The following MAGI1 variants were observed in gnomAD, a reference collection of about 807,000 sequenced individuals.
The protein encoded by MAGI1 is membrane associated guanylate kinase, WW and PDZ domain containing 1, also known as membrane-associated guanylate kinase, WW and PDZ domain-containing protein 1.
MAGI1 carries 58 observed loss-of-function variants against 139.9 expected under a neutral mutation model. The observed-to-expected ratio is 0.41, with a 90% CI of 0.34 to 0.52. The LOEUF is 0.52. Among genes scored for constraint, MAGI1 ranks in the 20% least tolerant of loss-of-function variants. MAGI1 has a pLI of 0.12. For missense variants in MAGI1, 1,874 were observed against 1,901.6 expected, an observed-to-expected ratio of 0.99 and a Z score of 0.27; for synonymous variants, 812 against 737.9, an observed-to-expected ratio of 1.10 and a Z score of -1.63.
At chr3:65,841,429 C>CTTTTTGTTTTTGTTTTTG (rs796888140) in intron 1 of MAGI1, among the ~76,000 whole-genome samples, 20 of 142,104 alleles carry the variant, frequency 1.4e-4, no homozygotes, top group African/African-American at 5.2e-4. Context: ...TTTTGTTTTG[C>CTTTTTGTTTTTGTTTTTG]TTTTTGTTTT....
chr3:65,518,950 T>C (rs2078026420), intron 2 of MAGI1, among the ~76,000 whole-genome samples: 1 of 152,068 alleles, frequency 6.6e-6, no homozygotes, highest in Non-Finnish European at 1.5e-5. Context: ...ATTACAATTT[T>C]ACATGATGAG....
intron 1 of MAGI1, among the ~76,000 whole-genome samples, chr3:65,754,957 A>AT (rs2036444350): frequency 4.0e-5 from 6 of 148,928 alleles, no homozygotes; most frequent in Admixed American, 2.7e-4. Flanking sequence ...TTATTTTTTA[A>AT]ATTTTTTTTT....
In MAGI1 at chr3:65,984,760, G is replaced by A. The variant is rs528583721; in HGVS notation, c.313+53236C>T. Among the ~76,000 whole-genome samples, 14 of 149,012 alleles carry A rather than the reference G, an allele frequency of 9.4e-5. 1 individual carries two copies. In the East Asian group the frequency reaches 2.6e-3, roughly 27 times the overall value. On this transcript the variant is annotated intron_variant, in intron 1 of 22. Coordinates refer to ENST00000402939, the MANE Select transcript of MAGI1 (RefSeq NM_001033057.2). ...TAGGAGTCTCACTATGTTGCCCAGG[G>A]TGGTCTTGAACTTCTGGGCCCAAGT...
At chr3:65,891,884 TAATATATATA>T (rs1298346117) in intron 1 of MAGI1, among the ~76,000 whole-genome samples, 11 of 85,886 alleles carry the variant, frequency 1.3e-4, no homozygotes, top group African/African-American at 3.8e-4. Context: ...ACTTAAAGTA[TAATATATATA>T]TATATATATA....
intron 1 of MAGI1, among the ~76,000 whole-genome samples, chr3:65,851,171 A>G (rs2059189422): frequency 6.6e-6 from 1 of 152,158 alleles, no homozygotes; most frequent in Non-Finnish European, 1.5e-5. Context: ...TATGCCTGGT[A>G]CCTAGAACTA....
chr3:65,938,703 T>G (rs1335601547), intron 1 of MAGI1, among the ~76,000 whole-genome samples: 1 of 152,218 alleles, frequency 6.6e-6, no homozygotes, highest in African/African-American at 2.4e-5. Context: ...CCTAATTATC[T>G]AAGGCCTGAA....
chr3:65,627,146 T>C (rs1197018389), intron 1 of MAGI1, among the ~76,000 whole-genome samples: 1 of 152,214 alleles, frequency 6.6e-6, no homozygotes, highest in African/African-American at 2.4e-5. Context: ...GATACACAAA[T>C]ACTTACCATT....
chr3:65,830,176 A>T (rs761590859), intron 1 of MAGI1, among the ~76,000 whole-genome samples: 5 of 152,198 alleles, frequency 3.3e-5, no homozygotes, highest in Non-Finnish European at 7.3e-5. Context: ...GTCTTGGCAC[A>T]TACTGTGTCA....
In MAGI1 at chr3:65,478,548, T is replaced by G. The variant is rs144485035; in HGVS notation, c.757+44A>C. 11,707 of 1,570,834 alleles carry G rather than the reference T, an allele frequency of 7.5e-3. 76 individuals are homozygous for G. The highest frequency in any genetic ancestry group is 8.7e-3 in the Non-Finnish European group (9,979 of 1,141,630). ...ACTCTATGCAAAAGCCTCCTCGTCATCCCTTCCCCAGGTCCATTGAGGGCA... is the reference window on the plus strand; with the variant it reads ...ACTCTATGCAAAAGCCTCCTCGTCAGCCCTTCCCCAGGTCCATTGAGGGCA... On this transcript the variant is annotated intron_variant, in intron 4 of 22. Transcript: ENST00000402939.
At chr3:65,503,130 C>T (rs1404028917) in intron 2 of MAGI1, among the ~76,000 whole-genome samples, 1 of 152,158 alleles carries the variant, frequency 6.6e-6, no homozygotes, top group African/African-American at 2.4e-5. Flanking sequence ...AGGTAAGATC[C>T]TTGTCTTCTG....
At chr3:65,833,684 T>C (rs144113740) in intron 1 of MAGI1, among the ~76,000 whole-genome samples, 275 of 152,382 alleles carry the variant, frequency 1.8e-3, no homozygotes, top group Non-Finnish European at 2.7e-3. Flanking sequence ...TGTTGTGTTA[T>C]TACAACCAAC....
chr3:65,834,215 G>A (rs764391683), intron 1 of MAGI1, among the ~76,000 whole-genome samples: 1 of 152,238 alleles, frequency 6.6e-6, no homozygotes, highest in Non-Finnish European at 1.5e-5. Context: ...AGGAGGTTCT[G>A]TAAAGGCTAC....
At chr3:65,818,057 T>A (rs1489260972) in intron 1 of MAGI1, among the ~76,000 whole-genome samples, 5 of 152,072 alleles carry the variant, frequency 3.3e-5, no homozygotes, top group African/African-American at 1.2e-4. Context: ...TGTGTGTGTG[T>A]GTGTGTGTGT....
intron 1 of MAGI1, among the ~76,000 whole-genome samples, chr3:65,983,290 T>C (rs1029536901): frequency 3.9e-5 from 6 of 152,256 alleles, no homozygotes; most frequent in African/African-American, 7.2e-5. Context: ...CTTCAGTAGT[T>C]ACTGATTTAT....
At chr3:65,902,701 T>C (rs1003395357) in intron 1 of MAGI1, 1 of 152,602 alleles carries the variant, frequency 6.6e-6, no homozygotes, top group Admixed American at 6.5e-5. Context: ...TCTCTGCTCG[T>C]ACCTGAATGC....
At position 65,539,284 on chromosome 3, in the gene MAGI1, C is replaced by T. The variant is rs2079099787; in HGVS notation, c.431-45653G>A. Among the ~76,000 whole-genome samples the T allele has an allele frequency of 2.0e-5, 3 of 152,054 alleles. No individual in the cohort carries two copies. In the South Asian group the frequency reaches 6.2e-4, roughly 31 times the overall value. On this transcript the variant is annotated intron_variant, in intron 2 of 22. Transcript: ENST00000402939. ...ACAAACAGACATACATACCAACTACCATCAAACAGAAACAAATACCAGCTA... is the reference window on the plus strand; with the variant it reads ...ACAAACAGACATACATACCAACTACTATCAAACAGAAACAAATACCAGCTA...
intron 1 of MAGI1, among the ~76,000 whole-genome samples, chr3:65,963,313 T>TAAAAAAA (rs760893715): frequency 1.9e-4 from 20 of 104,196 alleles, no homozygotes; most frequent in African/African-American, 7.2e-4. Context: ...CTCTGTCTCT[T>TAAAAAAA]AAAAAAAAAA....
chr3:65,447,876 A>G, intron 7 of MAGI1, 146 bp downstream of exon 7: 1 of 941,096 alleles, frequency 1.1e-6, no homozygotes, highest in Admixed American at 1.7e-5. Flanking sequence ...TGTAAGACTG[A>G]CCTTTCCTGG....
chr3:65,688,237 C>T, intron 1 of MAGI1: 1 of 816,138 alleles, frequency 1.2e-6, no homozygotes, highest in Non-Finnish European at 2.1e-6. Context: ...GTCTGCTACA[C>T]AGCCCAGACT....
Sources: allele counts gnomAD v4.1 joint callset (sites outside exome capture counted in the v4.1 genomes callset), GRCh38; gene constraint gnomAD v4.1.1; transcripts MANE v1.5; gene names NCBI Gene and HGNC (gene_info 2026-07-23, HGNC 2026-07-21).